Variants in VPS41 observed in about 807,000 individuals in gnomAD.
The protein encoded by VPS41 is vacuolar protein sorting-associated protein 41 homolog.
In VPS41, 85 loss-of-function variants were observed where a neutral mutation model predicts 130.9. The ratio of observed to expected loss-of-function variants is 0.65; its 90% confidence interval spans 0.55 to 0.78. The LOEUF is 0.78. Ranked by LOEUF, VPS41 falls within the 30% of genes least tolerant of loss-of-function variation. The pLI is 0.00. For missense variants in VPS41, 874 were observed against 1,018.7 expected, an observed-to-expected ratio of 0.86 and a Z score of 1.93; for synonymous variants, 335 against 332.9, an observed-to-expected ratio of 1.01 and a Z score of -0.07.
At chr7:38,820,899 C>T (rs534506939) in intron 6 of VPS41, among the ~76,000 whole-genome samples, 35 of 152,206 alleles carry the variant, frequency 2.3e-4, no homozygotes, top group East Asian at 1.9e-4. Flanking sequence ...TAATATTATT[C>T]CTACCTCTTT....
chr7:38,827,143 A>G (rs1785296965), intron 5 of VPS41, among the ~76,000 whole-genome samples: 1 of 152,198 alleles, frequency 6.6e-6, no homozygotes, highest in Non-Finnish European at 1.5e-5. Flanking sequence ...AAAAAAATTA[A>G]ATATATATCA....
intron 7 of VPS41, among the ~76,000 whole-genome samples, chr7:38,810,499 C>T (rs1004434299): frequency 6.6e-6 from 1 of 152,138 alleles, no homozygotes; most frequent in African/African-American, 2.4e-5. Flanking sequence ...ACATCTCTCT[C>T]AAATTTTCTT....
intron 13 of VPS41, among the ~76,000 whole-genome samples, chr7:38,771,781 A>G (rs1337981233): frequency 6.6e-6 from 1 of 152,230 alleles, no homozygotes; most frequent in African/African-American, 2.4e-5. Flanking sequence ...TAACATAAAT[A>G]TTTAAAACAT....
At chr7:38,789,023 C>T (rs562273383) in intron 10 of VPS41, among the ~76,000 whole-genome samples, 1 of 152,244 alleles carries the variant, frequency 6.6e-6, no homozygotes, top group East Asian at 1.9e-4. Context: ...CATAATATGG[C>T]AATTTTTTTT....
chr7:38,771,770 T>G (rs530096368), intron 13 of VPS41, among the ~76,000 whole-genome samples: 7 of 152,318 alleles, frequency 4.6e-5, no homozygotes, highest in Admixed American at 4.6e-4. Context: ...AAATACTACT[T>G]TAACATAAAT....
At chr7:38,886,504 A>G (rs1373912628) in intron 2 of VPS41, among the ~76,000 whole-genome samples, 1 of 152,234 alleles carries the variant, frequency 6.6e-6, no homozygotes, top group African/African-American at 2.4e-5. Flanking sequence ...CAGTGTAAAC[A>G]AAGTGGCAGG....
chr7:38,905,038 C>T (rs1162325624), intron 1 of VPS41, among the ~76,000 whole-genome samples: 1 of 152,022 alleles, frequency 6.6e-6, no homozygotes, highest in Non-Finnish European at 1.5e-5. Flanking sequence ...AAAAAAGGTG[C>T]AAGTAAGATA....
At chr7:38,871,618 T>C (rs1786363383) in intron 2 of VPS41, among the ~76,000 whole-genome samples, 1 of 152,174 alleles carries the variant, frequency 6.6e-6, no homozygotes, top group African/African-American at 2.4e-5. Context: ...CAGCTATGAG[T>C]GCTCTAAAGT....
At chr7:38,768,892 T>C (rs1233850847) in intron 14 of VPS41, among the ~76,000 whole-genome samples, 2 of 152,118 alleles carry the variant, frequency 1.3e-5, no homozygotes, top group African/African-American at 4.8e-5. Flanking sequence ...TTACACAAAA[T>C]ACCCAAAAAC....
In VPS41 at chr7:38,728,702, A is replaced by G; in HGVS notation, c.2349T>C (p.Val783=). ...TTCAATTTTACCCACCATCAACAAG[A>G]ACACCTTTCATTTGAGTTCGGTGCA... ...KKMHRTQMKG[V]LVDEENICES... Residue 783 remains valine, a synonymous_variant, in exon 26 of 29, where the codon GTT becomes GTC. Coordinates refer to ENST00000310301, the MANE Select transcript of VPS41 (RefSeq NM_014396.4). The G allele has an allele frequency of 6.2e-7, 1 of 1,614,158 alleles. No homozygotes were observed. Among genetic ancestry groups the G allele is most frequent in the Non-Finnish European group, 8.5e-7 (1 of 1,180,012 alleles).
intron 10 of VPS41, among the ~76,000 whole-genome samples, chr7:38,785,497 T>C (rs1784422868): frequency 6.6e-6 from 1 of 152,218 alleles, no homozygotes; most frequent in Non-Finnish European, 1.5e-5. Context: ...CTATTGTCAA[T>C]TAAATGACAA....
At chr7:38,862,339 T>A (rs191669628) in intron 4 of VPS41, among the ~76,000 whole-genome samples, 1 of 152,348 alleles carries the variant, frequency 6.6e-6, no homozygotes, top group East Asian at 1.9e-4. Context: ...AAATATATAA[T>A]GCATGTATCT....
At chr7:38,783,253 T>A (rs1315427393) in intron 10 of VPS41, among the ~76,000 whole-genome samples, 1 of 151,082 alleles carries the variant, frequency 6.6e-6, no homozygotes, top group Non-Finnish European at 1.5e-5. Context: ...AAGAAATAAT[T>A]AGGCCAGGTG....
At chr7:38,766,448 T>C (rs1784044645) in intron 15 of VPS41, among the ~76,000 whole-genome samples, 2 of 152,218 alleles carry the variant, frequency 1.3e-5, no homozygotes, top group South Asian at 4.1e-4. Context: ...CTTCCAAGGA[T>C]GCTTATAAAG....
chr7:38,833,306 T>C (rs1435982684), intron 4 of VPS41, among the ~76,000 whole-genome samples: 3 of 152,200 alleles, frequency 2.0e-5, no homozygotes, highest in East Asian at 3.9e-4. Flanking sequence ...AGTGACACTA[T>C]GTTAACAGGT....
At chr7:38,829,220 T>C (rs920309407) in intron 5 of VPS41, among the ~76,000 whole-genome samples, 25 of 152,186 alleles carry the variant, frequency 1.6e-4, no homozygotes, top group African/African-American at 6.0e-4. Context: ...GTGTTCCAAT[T>C]ACTGTTTCAA....
chr7:38,740,447 C>T (rs1301352657), intron 25 of VPS41, among the ~76,000 whole-genome samples: 9 of 152,150 alleles, frequency 5.9e-5, no homozygotes, highest in Non-Finnish European at 1.3e-4. Flanking sequence ...AAAGCCAGCT[C>T]CTCACCTCAC....
intron 2 of VPS41, among the ~76,000 whole-genome samples, chr7:38,887,264 G>A (rs896520030): frequency 6.6e-6 from 1 of 152,152 alleles, no homozygotes; most frequent in African/African-American, 2.4e-5. Flanking sequence ...CCATCACGAG[G>A]AAGCTAAAAA....
intron 7 of VPS41, 127 bp downstream of exon 7, chr7:38,817,690 T>C: frequency 1.2e-6 from 1 of 823,568 alleles, no homozygotes; most frequent in Non-Finnish European, 2.1e-6. Flanking sequence ...TCAGATTTCA[T>C]TACATTTGTC....
Sources: allele counts gnomAD v4.1 joint callset (sites outside exome capture counted in the v4.1 genomes callset), GRCh38; gene constraint gnomAD v4.1.1; transcripts MANE v1.5; gene names NCBI Gene and HGNC (gene_info 2026-07-23, HGNC 2026-07-21).